Variants in CUBN observed in about 807,000 individuals in gnomAD.
CUBN encodes the protein 460 kDa receptor.
A neutral mutation model predicts 405.3 loss-of-function variants in CUBN; 282 were observed. The ratio of observed to expected loss-of-function variants is 0.70; its 90% CI spans 0.63 to 0.77. CUBN has a LOEUF of 0.77. CUBN is among the 30% of genes least tolerant of loss of function. CUBN has a pLI of 0.00. For synonymous variants in CUBN, 1,684 were observed against 1,617.0 expected (o/e 1.04, Z -0.99); for missense variants, 4,514 against 4,475.2 (o/e 1.01, Z -0.25).
At chr10:17,103,635 C>CATAAGTGGAGACAGTA (rs1252101217) in intron 12 of CUBN, among the ~76,000 whole-genome samples, 1 of 152,220 alleles carries the variant, frequency 6.6e-6, no homozygotes, top group Admixed American at 6.5e-5. Context: ...GTATTTTACA[C>CATAAGTGGAGACAGTA]TTTCATATTT....
intron 31 of CUBN, among the ~76,000 whole-genome samples, chr10:16,966,697 C>T (rs148496578): frequency 7.0e-4 from 106 of 152,248 alleles, no homozygotes; most frequent in Middle Eastern, 3.4e-3. Context: ...GATCCACCCA[C>T]CTTGGCCTTT....
intron 48 of CUBN, among the ~76,000 whole-genome samples, chr10:16,912,462 G>A (rs1041662833): frequency 6.6e-6 from 1 of 152,192 alleles, no homozygotes; most frequent in Non-Finnish European, 1.5e-5. Flanking sequence ...ACAATAAACT[G>A]ATGAACAAAT....
At position 16,925,405 on chromosome 10, in the gene CUBN, A is replaced by G. The variant is rs759619108; in HGVS notation, c.6482T>C (p.Ile2161Thr). 2 of 1,613,838 alleles carry G rather than the reference A, an allele frequency of 1.2e-6. No individual in the cohort carries two copies. The highest frequency in any genetic ancestry group is 1.7e-5 in the Admixed American group (1 of 59,982). Residue 2161 changes from isoleucine to threonine, a missense_variant, in exon 43 of 67, where the codon ATC becomes ACC. Around this residue, in one of 5 missense-constraint regions of CUBN, gnomAD observed 1,613 missense variants for 1,542.8 expected, o/e 1.05. Coordinates refer to ENST00000377833, the MANE Select transcript of CUBN (RefSeq NM_001081.4). ...AGGGGGTCCCAAGGGTGGAGAACAG[A>G]TATCAGGACCATTTCTTAGCTGGAA... ...DYLVLRNGPD[I>T]CSPPLGPPGG...
At chr10:17,008,340 G>GTGTA (rs1564475496) in intron 28 of CUBN, among the ~76,000 whole-genome samples, 1 of 148,926 alleles carries the variant, frequency 6.7e-6, no homozygotes, top group Non-Finnish European at 1.5e-5. Flanking sequence ...CTCCCCGTGT[G>GTGTA]TGTGTGTGTG....
chr10:17,113,452 A>G (rs116023825), intron 8 of CUBN, among the ~76,000 whole-genome samples: 387 of 152,156 alleles, frequency 2.5e-3, no homozygotes, highest in African/African-American at 8.6e-3. Context: ...GGAATATATG[A>G]TGACTATCTC....
chr10:17,114,847 G>T (rs1461437719), intron 7 of CUBN, among the ~76,000 whole-genome samples: 1 of 152,156 alleles, frequency 6.6e-6, no homozygotes, highest in Non-Finnish European at 1.5e-5. Context: ...TTGCCAACAA[G>T]ACTGGTCCTT....
chr10:17,001,299 A>C (rs1049384235), intron 28 of CUBN, among the ~76,000 whole-genome samples: 1 of 152,210 alleles, frequency 6.6e-6, no homozygotes, highest in Non-Finnish European at 1.5e-5. Context: ...ACCCCAGTGG[A>C]TTGCCACTGG....
intron 6 of CUBN, among the ~76,000 whole-genome samples, chr10:17,118,876 A>G (rs918065060): frequency 3.9e-5 from 6 of 152,268 alleles, no homozygotes; most frequent in African/African-American, 1.4e-4. Flanking sequence ...TTTAAAACCA[A>G]CTTACTACTA....
At chr10:17,071,630 G>T in intron 18 of CUBN, 26 bp from the exon 19 acceptor site, 1 of 1,600,542 alleles carries the variant, frequency 6.2e-7, no homozygotes, top group Non-Finnish European at 8.6e-7. Context: ...TTATAGTAGT[G>T]CTTGTCCAGA....
intron 28 of CUBN, among the ~76,000 whole-genome samples, chr10:17,016,143 A>G (rs924129833): frequency 1.3e-5 from 2 of 151,626 alleles, no homozygotes; most frequent in African/African-American, 4.8e-5. Context: ...AGGGGAGTAT[A>G]TTTTCTTAAG....
chr10:16,984,016 T>A lies in CUBN; in HGVS notation c.4525+89A>T. 7.8e-6 allele frequency: 11 copies of A among 1,401,988 alleles called. No homozygotes were observed. The South Asian group carries it at 1.2e-4, about 15-fold the overall frequency. The allele number at this position is 1,401,988 out of a possible 1,614,324, so 86.8% of individuals were successfully genotyped here. A position where few individuals can be genotyped will look rare whatever the true frequency, so the allele number is the denominator to read the frequency against. On this transcript the variant is annotated intron_variant, in intron 30 of 66. Transcript: ENST00000377833. ...TTGGGATGTCACTAAGTTATAAGTG[T>A]GTAGCCTTCATACGTTTTCCCAAGC...
chr10:17,076,571 G>A (rs2131854358), intron 17 of CUBN, among the ~76,000 whole-genome samples: 1 of 150,404 alleles, frequency 6.6e-6, no homozygotes, highest in South Asian at 2.1e-4. Flanking sequence ...TTCCCTTCCT[G>A]TAAAAGGATT....
Position 16,997,191 on chromosome 10 carries a change from T to A in CUBN, c.4169-6676A>T, listed in dbSNP as rs142048672. On this transcript the variant is annotated intron_variant, in intron 28 of 66. Transcript: ENST00000377833. The stretch of plus-strand genomic sequence containing the variant: ...TGGCTCATGCCTGTAATCCCAGCAC[T>A]TAGGGAGGCAAAGGCAGGCCGATCA... Among the ~76,000 whole-genome samples, 5 of 152,226 alleles carry A rather than the reference T, an allele frequency of 3.3e-5. No homozygotes were observed. The East Asian group carries it at 7.7e-4, about 24-fold the overall frequency.
intron 31 of CUBN, among the ~76,000 whole-genome samples, chr10:16,980,337 C>A (rs1381469123): frequency 6.6e-6 from 1 of 152,192 alleles, no homozygotes; most frequent in Non-Finnish European, 1.5e-5. Flanking sequence ...AATCCCATTA[C>A]TGGGTATATA....
At chr10:16,828,007 A>G (rs367739541) in intron 66 of CUBN, among the ~76,000 whole-genome samples, 1 of 152,224 alleles carries the variant, frequency 6.6e-6, no homozygotes, top group East Asian at 1.9e-4. Flanking sequence ...AGCTTTACAA[A>G]AACAAACTAT....
intron 31 of CUBN, among the ~76,000 whole-genome samples, chr10:16,974,798 C>G (rs939550674): frequency 6.6e-6 from 1 of 152,168 alleles, no homozygotes; most frequent in Non-Finnish European, 1.5e-5. Flanking sequence ...CCAACCCACT[C>G]AATGTGAAGA....
At chr10:16,961,826 C>T (rs984285218) in intron 31 of CUBN, among the ~76,000 whole-genome samples, 1 of 151,156 alleles carries the variant, frequency 6.6e-6, no homozygotes, top group Admixed American at 6.6e-5. Flanking sequence ...ATTCTCCTGC[C>T]TCAGCCTCCT....
chr10:17,091,719 T>A (rs1463153396), intron 14 of CUBN, among the ~76,000 whole-genome samples: 1 of 152,146 alleles, frequency 6.6e-6, no homozygotes, highest in Non-Finnish European at 1.5e-5. Context: ...AAAGCAGATT[T>A]CATGTATCTC....
intron 56 of CUBN, among the ~76,000 whole-genome samples, chr10:16,881,295 C>T (rs1295680397): frequency 1.3e-5 from 2 of 152,128 alleles, no homozygotes; most frequent in African/African-American, 4.8e-5. Context: ...ATCACAGTGG[C>T]AGTTGTCTTA....
Sources: allele counts gnomAD v4.1 joint callset (sites outside exome capture counted in the v4.1 genomes callset), GRCh38; gene constraint gnomAD v4.1.1; regional missense constraint gnomAD v4.1.1; transcripts MANE v1.5; gene names NCBI Gene and HGNC (gene_info 2026-07-23, HGNC 2026-07-21).